MICU2: variants seen among roughly 807,000 people sequenced by gnomAD.
The protein encoded by MICU2 is calcium uptake protein 2, mitochondrial.
MICU2 carries 64 observed loss-of-function variants against 60.4 expected under a neutral mutation model. That is an observed-to-expected ratio of 1.06 (90% CI 0.87 to 1.31). The LOEUF (loss-of-function observed/expected upper bound fraction) is 1.31, where lower values mean the gene tolerates loss of function less well. Among genes scored for constraint, MICU2 ranks in the 50% most tolerant of loss-of-function variants. The probability of loss-of-function intolerance (pLI) is 0.00; values close to 1 mark genes in which losing one functional copy is unlikely to be tolerated. For synonymous variants in MICU2, 201 were observed against 175.0 expected (o/e 1.15, Z -1.17); for missense variants, 569 against 531.0 (o/e 1.07, Z -0.70).
chr13:21,499,018 T>C (rs1886075821), intron 9 of MICU2, among the ~76,000 whole-genome samples: 1 of 152,176 alleles, frequency 6.6e-6, no homozygotes, highest in Non-Finnish European at 1.5e-5. Context: ...TGGCGTGATC[T>C]TGGCTCACCA....
chr13:21,600,347 C>G (rs529011842), intron 1 of MICU2, among the ~76,000 whole-genome samples: 1 of 152,344 alleles, frequency 6.6e-6, no homozygotes, highest in African/African-American at 2.4e-5. Context: ...CTTTGCCTAG[C>G]AAACTTGCAG....
intron 1 of MICU2, among the ~76,000 whole-genome samples, chr13:21,590,635 G>T (rs886246848): frequency 6.6e-6 from 1 of 152,126 alleles, no homozygotes; most frequent in Non-Finnish European, 1.5e-5. Context: ...CCAGCACTTT[G>T]GGAGGTCAAG....
intron 1 of MICU2, among the ~76,000 whole-genome samples, chr13:21,567,216 A>G (rs1477121126): frequency 1.3e-5 from 2 of 152,356 alleles, no homozygotes; most frequent in East Asian, 3.9e-4. Context: ...GAAGTACTAC[A>G]TAGAAATATA....
intron 7 of MICU2, among the ~76,000 whole-genome samples, chr13:21,513,563 C>A (rs1055245273): frequency 2.0e-5 from 3 of 151,634 alleles, no homozygotes; most frequent in Non-Finnish European, 4.4e-5. Flanking sequence ...CATGGTGAAA[C>A]CCTGTCTCTA....
intron 1 of MICU2, among the ~76,000 whole-genome samples, chr13:21,567,960 A>G (rs554051559): frequency 6.6e-6 from 1 of 152,348 alleles, no homozygotes; most frequent in Non-Finnish European, 1.5e-5. Flanking sequence ...CAGTAGTTAA[A>G]AGACACCTAT....
At chr13:21,523,422 C>T (rs907209385) in intron 4 of MICU2, among the ~76,000 whole-genome samples, 1 of 105,922 alleles carries the variant, frequency 9.4e-6, no homozygotes, top group African/African-American at 2.7e-5. Flanking sequence ...CATAACATCT[C>T]AAGTGAAGCA....
intron 1 of MICU2, among the ~76,000 whole-genome samples, chr13:21,595,213 C>T (rs1214060327): frequency 6.6e-6 from 1 of 152,186 alleles, no homozygotes; most frequent in African/African-American, 2.4e-5. Context: ...CAGCTAAAAT[C>T]CACACTTCTT....
At chr13:21,534,800 T>C (rs999992801) in intron 4 of MICU2, among the ~76,000 whole-genome samples, 3 of 152,154 alleles carry the variant, frequency 2.0e-5, no homozygotes, top group African/African-American at 7.2e-5. Context: ...TATGGCTTAA[T>C]TAAGAAAGAT....
At chr13:21,497,474 T>G (rs1886030645) in intron 9 of MICU2, among the ~76,000 whole-genome samples, 1 of 152,128 alleles carries the variant, frequency 6.6e-6, no homozygotes, top group Non-Finnish European at 1.5e-5. Context: ...TTTGGAAGGC[T>G]GAGGTGGCCG....
At chr13:21,589,786 T>C (rs1312932630) in intron 1 of MICU2, among the ~76,000 whole-genome samples, 1 of 151,634 alleles carries the variant, frequency 6.6e-6, no homozygotes, top group African/African-American at 2.4e-5. Flanking sequence ...ACTCACCCCG[T>C]AGTGCACTCT....
intron 4 of MICU2, among the ~76,000 whole-genome samples, chr13:21,523,063 CT>C (rs150034221): frequency 2.0e-5 from 3 of 152,118 alleles, no homozygotes; most frequent in Admixed American, 2.0e-4. Context: ...GAAATTCACC[CT>C]TTTTTTCTGC....
chr13:21,597,965 A>G (rs1006807740), intron 1 of MICU2, among the ~76,000 whole-genome samples: 1 of 150,732 alleles, frequency 6.6e-6, no homozygotes, highest in Admixed American at 6.6e-5. Context: ...TCAAAGAGCG[A>G]TAAGTACTAT....
At chr13:21,508,410 C>T (rs1886346949) in intron 8 of MICU2, among the ~76,000 whole-genome samples, 1 of 152,206 alleles carries the variant, frequency 6.6e-6, no homozygotes, top group Non-Finnish European at 1.5e-5. Flanking sequence ...AGGCGTGAGC[C>T]ACCACACCCG....
chr13:21,536,948 G>C (rs538788542), intron 4 of MICU2, among the ~76,000 whole-genome samples: 1 of 152,276 alleles, frequency 6.6e-6, no homozygotes, highest in South Asian at 2.1e-4. Context: ...TCACCTGCAA[G>C]TGCTTCAGCT....
intron 1 of MICU2, among the ~76,000 whole-genome samples, chr13:21,599,449 A>T (rs1050207153): frequency 2.0e-5 from 3 of 152,218 alleles, no homozygotes; most frequent in Non-Finnish European, 4.4e-5. Context: ...AATGGGAGTA[A>T]TACTAAAAGC....
In MICU2 at chr13:21,566,918, A is replaced by G. The variant is rs1593348553; in HGVS notation, c.237T>C (p.Tyr79=). 3 of 1,604,388 alleles carry G rather than the reference A, an allele frequency of 1.9e-6. No homozygotes were observed. Among genetic ancestry groups the G allele is most frequent in the Non-Finnish European group, 2.5e-6 (3 of 1,177,668 alleles). The change falls in exon 2 of 12, where the codon TAT becomes TAC. Residue 79 remains tyrosine (Y), a synonymous_variant. Coordinates refer to ENST00000382374, the MANE Select transcript of MICU2 (RefSeq NM_152726.3). ...GCTTACGAAGAGACGGTTTCCCAAT[A>G]TATATTATTCCATGTTCAACATTTT... ...AQKNVEHGII[Y]IGKPSLRKQR... is the part of the protein sequence containing the mutation.
chr13:21,497,048 C>T lies in MICU2; in HGVS notation c.934-888G>A, dbSNP rs137860732. ...CAGCACTCCAGCCTGGGCGACAGAG[C>T]GAGACTCTGTCTCAAAAAATACATA... On this transcript the variant is annotated intron_variant, in intron 9 of 11. Transcript: ENST00000382374. Among the ~76,000 whole-genome samples the T allele has an allele frequency of 4.2e-3, 629 of 149,284 alleles. 7 individuals carry two copies. The highest frequency in any genetic ancestry group is 0.015 in the African/African-American group (603 of 40,494).
chr13:21,507,576 G>C (rs751599748), intron 8 of MICU2, among the ~76,000 whole-genome samples: 3 of 151,812 alleles, frequency 2.0e-5, no homozygotes, highest in Non-Finnish European at 4.4e-5. Context: ...GGATTAGTGG[G>C]GTTAGAAAAA....
chr13:21,563,559 A>G (rs897925779), intron 2 of MICU2, among the ~76,000 whole-genome samples: 3 of 151,932 alleles, frequency 2.0e-5, no homozygotes, highest in African/African-American at 7.3e-5. Context: ...ATGGCTTGAC[A>G]TTTGTTAATA....
Sources: gnomAD v4.1 joint callset for allele counts (sites outside exome capture counted in the v4.1 genomes callset) on GRCh38, gnomAD v4.1.1 for gene constraint, MANE v1.5 for transcripts, NCBI Gene and HGNC (gene_info 2026-07-23, HGNC 2026-07-21) for gene names.